KCNQ5: variants seen among roughly 807,000 people sequenced by gnomAD.
The protein encoded by KCNQ5 is potassium voltage-gated channel subfamily KQT member 5.
In KCNQ5, 30 loss-of-function variants were observed where a neutral mutation model predicts 98.2. The observed-to-expected ratio is 0.31, with a 90% CI of 0.23 to 0.41. The LOEUF is 0.41. KCNQ5 is among the 10% of genes least tolerant of loss of function. KCNQ5 has a pLI of 1.00. For synonymous variants in KCNQ5, 458 were observed against 449.4 expected, an observed-to-expected ratio of 1.02 and a Z score of -0.24; for missense variants, 835 against 1,182.5, an observed-to-expected ratio of 0.71 and a Z score of 4.31.
chr6:72,916,601 A>G (rs1780151755), intron 1 of KCNQ5, among the ~76,000 whole-genome samples: 1 of 152,216 alleles, frequency 6.6e-6, no homozygotes, highest in South Asian at 2.1e-4. Flanking sequence ...CGCAGATCTT[A>G]GCAGTAAAAC....
At chr6:72,669,263 G>GA in intron 1 of KCNQ5, among the ~76,000 whole-genome samples, 1 of 152,162 alleles carries the variant, frequency 6.6e-6, no homozygotes, top group Non-Finnish European at 1.5e-5. Context: ...ACAATGATGA[G>GA]ACAGTTATAG....
chr6:73,094,750 C>T (rs983591071), intron 5 of KCNQ5, among the ~76,000 whole-genome samples: 1 of 152,108 alleles, frequency 6.6e-6, no homozygotes, highest in African/African-American at 2.4e-5. Flanking sequence ...AGACAAGGCC[C>T]CAATACCTTC....
rs545326498 is a variant in KCNQ5, at chr6:72,821,386, C to T, written c.399-182522C>T. ...AACATGTGGACACTTATAGATATTA[C>T]CTTTTTCCTTGAGCTCAGCTGCAGC... On this transcript the variant is annotated intron_variant, in intron 1 of 13. Transcript: ENST00000370398. Among the ~76,000 whole-genome samples, 12 of 152,274 alleles carry T rather than the reference C, an allele frequency of 7.9e-5. 2 individuals are homozygous for T. Among genetic ancestry groups the T allele is most frequent in the African/African-American group, 2.9e-4 (12 of 41,548 alleles).
intron 1 of KCNQ5, among the ~76,000 whole-genome samples, chr6:72,990,011 T>C (rs1207645425): frequency 2.1e-5 from 1 of 46,796 alleles, no homozygotes; most frequent in Non-Finnish European, 4.5e-5. Flanking sequence ...GTTCCATTGA[T>C]CTATATCTCT....
At chr6:73,031,284 A>T (rs1470793405) in intron 2 of KCNQ5, among the ~76,000 whole-genome samples, 1 of 152,220 alleles carries the variant, frequency 6.6e-6, no homozygotes, top group Admixed American at 6.5e-5. Context: ...TCCAGCTTAC[A>T]TTAATCAAAA....
At chr6:72,626,238 G>A (rs923967994) in intron 1 of KCNQ5, among the ~76,000 whole-genome samples, 3 of 152,190 alleles carry the variant, frequency 2.0e-5, no homozygotes, top group Non-Finnish European at 2.9e-5. Context: ...AGTGAAGCCC[G>A]GGCAGAAAAG....
chr6:73,170,575 AAAAAAGAAAAG>A, intron 11 of KCNQ5, among the ~76,000 whole-genome samples: 1 of 150,714 alleles, frequency 6.6e-6, no homozygotes. Context: ...GCAAAAAAAA[AAAAAAGAAAAG>A]AAAAGAAAAG....
chr6:73,010,928 T>A (rs771426282), intron 2 of KCNQ5, among the ~76,000 whole-genome samples: 3 of 152,008 alleles, frequency 2.0e-5, no homozygotes, highest in Non-Finnish European at 4.4e-5. Context: ...GAACTTAATA[T>A]TGTTAACATG....
At chr6:72,797,393 T>C (rs962570817) in intron 1 of KCNQ5, among the ~76,000 whole-genome samples, 1 of 151,178 alleles carries the variant, frequency 6.6e-6, no homozygotes, top group Non-Finnish European at 1.5e-5. Flanking sequence ...TCATCCCAGC[T>C]ATTCAGGAGG....
intron 10 of KCNQ5, chr6:73,157,899 C>T (rs1334072348): frequency 5.2e-6 from 4 of 776,512 alleles, no homozygotes; most frequent in South Asian, 2.7e-5. Context: ...CATTTTTGGC[C>T]GCTTCTGCTC....
intron 1 of KCNQ5, among the ~76,000 whole-genome samples, chr6:72,755,917 C>T (rs1457704026): frequency 6.6e-6 from 1 of 152,144 alleles, no homozygotes; most frequent in East Asian, 1.9e-4. Context: ...TGTCCTCCAG[C>T]AGCAGGCAGT....
At chr6:72,855,342 A>G (rs1777483880) in intron 1 of KCNQ5, among the ~76,000 whole-genome samples, 1 of 152,146 alleles carries the variant, frequency 6.6e-6, no homozygotes, top group East Asian at 1.9e-4. Context: ...CACTAAATAC[A>G]TTATTTTACT....
At chr6:73,093,076 A>G (rs1350540379) in intron 5 of KCNQ5, among the ~76,000 whole-genome samples, 1 of 152,014 alleles carries the variant, frequency 6.6e-6, no homozygotes, top group Non-Finnish European at 1.5e-5. Context: ...TACCATTTCA[A>G]TCTCATTACT....
intron 1 of KCNQ5, among the ~76,000 whole-genome samples, chr6:72,960,065 A>G (rs1367537878): frequency 1.3e-5 from 2 of 152,240 alleles, no homozygotes; most frequent in African/African-American, 4.8e-5. Flanking sequence ...CTAACAGAGT[A>G]GGATCATACT....
At chr6:73,114,034 A>G (rs965051082) in intron 7 of KCNQ5, among the ~76,000 whole-genome samples, 2 of 152,198 alleles carry the variant, frequency 1.3e-5, no homozygotes, top group Non-Finnish European at 2.9e-5. Flanking sequence ...TCAAAGTAGA[A>G]TCTACTAATT....
intron 1 of KCNQ5, among the ~76,000 whole-genome samples, chr6:72,917,386 T>C (rs1301383557): frequency 6.6e-6 from 1 of 152,164 alleles, no homozygotes; most frequent in African/African-American, 2.4e-5. Context: ...ATCAAAAACC[T>C]ACAGAGAACT....
intron 10 of KCNQ5, among the ~76,000 whole-genome samples, chr6:73,160,168 G>C (rs907099888): frequency 1.7e-4 from 25 of 150,382 alleles, no homozygotes; most frequent in East Asian, 3.9e-4. Context: ...CACCCACCAC[G>C]ACGCCCGGCT....
intron 5 of KCNQ5, among the ~76,000 whole-genome samples, chr6:73,087,702 G>T (rs761582078): frequency 3.3e-5 from 5 of 152,188 alleles, no homozygotes; most frequent in Non-Finnish European, 7.3e-5. Context: ...AGTGTCCAAA[G>T]GTTGAAAAGG....
intron 1 of KCNQ5, among the ~76,000 whole-genome samples, chr6:72,776,200 G>A (rs1302514520): frequency 3.3e-5 from 5 of 152,228 alleles, no homozygotes; most frequent in East Asian, 3.9e-4. Flanking sequence ...ACTGGGAAGC[G>A]TGCTCTCCAA....
Sources: gnomAD v4.1 joint callset for allele counts (sites outside exome capture counted in the v4.1 genomes callset) on GRCh38, gnomAD v4.1.1 for gene constraint, MANE v1.5 for transcripts, NCBI Gene and HGNC (gene_info 2026-07-23, HGNC 2026-07-21) for gene names.